Variants in SNRPF observed in about 807,000 individuals in gnomAD.
The protein encoded by SNRPF is small nuclear ribonucleoprotein polypeptide F.
Under a neutral mutation model 13.4 loss-of-function variants are expected in SNRPF, and 1 was observed. The ratio of observed to expected loss-of-function variants is 0.07; its 90% CI spans 0.03 to 0.35. SNRPF has a LOEUF of 0.35. Among genes scored for constraint, SNRPF ranks in the 10% least tolerant of loss-of-function variants. SNRPF has a pLI of 0.99. For missense variants in SNRPF, 53 were observed against 101.0 expected, an observed-to-expected ratio of 0.52 and a Z score of 2.04; for synonymous variants, 27 against 32.1, an observed-to-expected ratio of 0.84 and a Z score of 0.54.
chr12:95,865,858 T>A (rs2079518838), intron 3 of SNRPF, 147 bp from the exon 4 acceptor site: 1 of 361,978 alleles, frequency 2.8e-6, no homozygotes, highest in Admixed American at 4.5e-5. Flanking sequence ...GTGAAACTTT[T>A]TTTTAAAATG....
At chr12:95,864,078 C>A (rs1229558935) in intron 2 of SNRPF, among the ~76,000 whole-genome samples, 14 of 152,148 alleles carry the variant, frequency 9.2e-5, no homozygotes, top group Admixed American at 9.2e-4. Flanking sequence ...ATAGCTGTTA[C>A]ATACAAACTG....
intron 1 of SNRPF, among the ~76,000 whole-genome samples, chr12:95,860,705 G>C (rs1297044290): frequency 6.6e-6 from 1 of 152,000 alleles, no homozygotes; most frequent in Non-Finnish European, 1.5e-5. Context: ...CTACAGGTGT[G>C]CACCACCACA....
At chr12:95,859,177 G>T (rs2079481327) in intron 1 of SNRPF, 101 bp downstream of exon 1, 4 of 1,060,588 alleles carry the variant, frequency 3.8e-6, no homozygotes, top group Non-Finnish European at 5.8e-6. Flanking sequence ...CCATTCATCC[G>T]CGTGAGGCGC....
At chr12:95,864,279 A>C (rs1459010872) in intron 2 of SNRPF, among the ~76,000 whole-genome samples, 1 of 152,020 alleles carries the variant, frequency 6.6e-6, no homozygotes, top group Non-Finnish European at 1.5e-5. Context: ...CACGTGCCTA[A>C]TTGTGAAGGA....
chr12:95,859,935 T>C (rs1462314638), intron 1 of SNRPF, among the ~76,000 whole-genome samples: 2 of 152,204 alleles, frequency 1.3e-5, no homozygotes, highest in Non-Finnish European at 2.9e-5. Context: ...GATAACAAAT[T>C]GGAGAATGAA....
In SNRPF at chr12:95,866,018, C is replaced by G. The variant is rs1408650790; in HGVS notation, c.208C>G (p.Leu70Val). The G allele has an allele frequency of 5.9e-6, 9 of 1,529,410 alleles. No homozygotes were observed. The allele number at this position is 1,529,410 out of a possible 1,614,324, so 94.7% of individuals were successfully genotyped here. Residue 70 changes from leucine to valine, a missense_variant, in exon 4 of 4, where the codon CTT becomes GTT. Leu to Val is a conservative substitution (Grantham distance 32). Coordinates refer to ENST00000266735, the MANE Select transcript of SNRPF (RefSeq NM_003095.5). ...GEVLIRCNNV[L>V]YIRGVEEEEE... is the part of the protein sequence containing the mutation. ...TTCTATTTACAGGTGTAATAATGTC[C>G]TTTATATCAGAGGTGTGGAAGAAGA...
At position 95,866,088 on chromosome 12, in the gene SNRPF, T is replaced by C; in HGVS notation, c.*17T>C. ...AGAGAATAGCATCTTTTGTGGGGGATTTTTTTTATATATATTTCTAGACAA... is the reference window on the plus strand; with the variant it reads ...AGAGAATAGCATCTTTTGTGGGGGACTTTTTTTATATATATTTCTAGACAA... On this transcript the variant is annotated 3_prime_UTR_variant, in exon 4 of 4. Coordinates refer to ENST00000266735, the MANE Select transcript of SNRPF (RefSeq NM_003095.5). The C allele has an allele frequency of 7.9e-7, 1 of 1,263,404 alleles. No individual in the cohort carries two copies. The highest frequency in any genetic ancestry group is 1.3e-5 in the South Asian group (1 of 76,450). 78.3% of individuals were successfully genotyped at this position (1,263,404 alleles called of 1,614,324 possible).
chr12:95,863,614 C>T (rs1290409773), intron 2 of SNRPF, among the ~76,000 whole-genome samples: 1 of 152,148 alleles, frequency 6.6e-6, no homozygotes, highest in Non-Finnish European at 1.5e-5. Flanking sequence ...AGTCCCTGCC[C>T]TCAACAGTTT....
chr12:95,865,188 C>T (rs2079514847), intron 2 of SNRPF, 136 bp from the exon 3 acceptor site: 3 of 439,604 alleles, frequency 6.8e-6, no homozygotes, highest in South Asian at 1.2e-4. Context: ...AGCTCATCTT[C>T]TGTTTATTAA....
chr12:95,863,087 A>G (rs1219605541), intron 2 of SNRPF, among the ~76,000 whole-genome samples: 4 of 152,136 alleles, frequency 2.6e-5, no homozygotes, highest in Admixed American at 6.5e-5. Flanking sequence ...CATGAATCCA[A>G]GGATTCCATA....
chr12:95,860,087 G>T (rs1357944905), intron 1 of SNRPF, among the ~76,000 whole-genome samples: 2 of 152,170 alleles, frequency 1.3e-5, no homozygotes, highest in Admixed American at 1.3e-4. Flanking sequence ...GGCAAAAACC[G>T]AAATCACTGG....
intron 1 of SNRPF, among the ~76,000 whole-genome samples, chr12:95,859,527 G>T (rs1206593186): frequency 6.6e-6 from 1 of 152,220 alleles, no homozygotes; most frequent in African/African-American, 2.4e-5. Context: ...CAGACAGGAG[G>T]CTGTGAGGGT....
intron 2 of SNRPF, 134 bp from the exon 3 acceptor site, chr12:95,865,190 G>A (rs2079514880): frequency 2.3e-6 from 1 of 439,486 alleles, no homozygotes; most frequent in African/African-American, 2.0e-5. Context: ...CTCATCTTCT[G>A]TTTATTAATT....
chr12:95,858,988 G>T lies in SNRPF; in HGVS notation c.-86G>T. 2 of 1,591,308 alleles carry T rather than the reference G, an allele frequency of 1.3e-6. No individual in the cohort carries two copies. The highest frequency in any genetic ancestry group is 1.7e-6 in the Non-Finnish European group (2 of 1,170,650). Reference sequence around the variant, plus strand: ...CCATTTCTCTTGAAACTGCGGCTCGGGACCTGCGGTACCTGCTGTAGTCAC... The same window carrying T: ...CCATTTCTCTTGAAACTGCGGCTCGTGACCTGCGGTACCTGCTGTAGTCAC... On this transcript the variant is annotated 5_prime_UTR_variant, in exon 1 of 4. Coordinates refer to ENST00000266735, the MANE Select transcript of SNRPF (RefSeq NM_003095.5).
intron 2 of SNRPF, among the ~76,000 whole-genome samples, chr12:95,864,027 CT>C (rs2079509456): frequency 6.6e-6 from 1 of 152,164 alleles, no homozygotes; most frequent in African/African-American, 2.4e-5. Flanking sequence ...GTTGTAATTA[CT>C]TTTTACAAAA....
chr12:95,859,108 G>A (rs897874750), intron 1 of SNRPF, 32 bp downstream of exon 1: 1 of 1,595,552 alleles, frequency 6.3e-7, no homozygotes, highest in Non-Finnish European at 8.6e-7. Flanking sequence ...GGAGAAGCGG[G>A]GAGAAAGAGA....
At chr12:95,864,897 T>A (rs1042570774) in intron 2 of SNRPF, among the ~76,000 whole-genome samples, 7 of 152,238 alleles carry the variant, frequency 4.6e-5, no homozygotes, top group African/African-American at 1.7e-4. Context: ...GGAGACCCTG[T>A]TTCTTAAAAG....
In SNRPF at chr12:95,864,963, A is replaced by G. The variant is rs1274496490; in HGVS notation, c.130-361A>G. On this transcript the variant is annotated intron_variant, in intron 2 of 3. Coordinates refer to ENST00000266735, the MANE Select transcript of SNRPF (RefSeq NM_003095.5). The stretch of plus-strand genomic sequence containing the variant: ...ATTTGCTTTGGTTGTTGACTAATAT[A>G]AAAGTATTTGGCATGTTAGCCATAG... 7 of 156,648 alleles carry G rather than the reference A, an allele frequency of 4.5e-5. No homozygotes were observed. The Admixed American group carries it at 4.5e-4, about 10-fold the overall frequency. The allele number at this position is 156,648 out of a possible 1,614,324, so 9.7% of individuals were successfully genotyped here.
rs373073396 is a variant in SNRPF at position 95,859,061 on chromosome 12, G to T, written c.-13G>T. The T allele has an allele frequency of 3.7e-6, 6 of 1,613,176 alleles. No homozygotes were observed. Among genetic ancestry groups the T allele is most frequent in the Non-Finnish European group, 5.1e-6 (6 of 1,179,774 alleles). On this transcript the variant is annotated 5_prime_UTR_variant, in exon 1 of 4. Transcript: ENST00000266735. ...CGGCAGAGAGTAGCCTGCAACATTC[G>T]GCCGTGGTTACGATGGTAAGGAGAA... is the stretch of plus-strand genomic sequence containing the variant.
Sources: gnomAD v4.1 joint callset for allele counts (sites outside exome capture counted in the v4.1 genomes callset) on GRCh38, gnomAD v4.1.1 for gene constraint, MANE v1.5 for transcripts, NCBI Gene and HGNC (gene_info 2026-07-23, HGNC 2026-07-21) for gene names.